TOMM70: variants seen among roughly 807,000 people sequenced by gnomAD.
TOMM70 encodes the protein translocase of outer mitochondrial membrane 70.
In TOMM70, 13 loss-of-function variants were observed where a neutral mutation model predicts 73.6. The observed-to-expected ratio is 0.18, with a 90% CI of 0.11 to 0.28. The LOEUF is 0.28. TOMM70 is among the 10% of genes least tolerant of loss of function. The pLI is 1.00. For missense variants in TOMM70, 609 were observed against 747.5 expected (o/e 0.81, Z 2.16); for synonymous variants, 257 against 271.2 (o/e 0.95, Z 0.51).
intron 11 of TOMM70, among the ~76,000 whole-genome samples, chr3:100,366,869 C>T (rs1407084699): frequency 6.6e-6 from 1 of 152,206 alleles, no homozygotes; most frequent in Non-Finnish European, 1.5e-5. Flanking sequence ...TAAGAACTAC[C>T]ACCCTATCCT....
intron 6 of TOMM70, among the ~76,000 whole-genome samples, chr3:100,376,032 A>G (rs1229741286): frequency 6.6e-6 from 1 of 152,096 alleles, no homozygotes; most frequent in African/African-American, 2.4e-5. Flanking sequence ...AACACTTATT[A>G]TTGTCCAATG....
intron 1 of TOMM70, among the ~76,000 whole-genome samples, chr3:100,397,855 C>T (rs914895148): frequency 6.6e-6 from 1 of 151,810 alleles, no homozygotes; most frequent in Non-Finnish European, 1.5e-5. Context: ...CGCCATTGCA[C>T]TCCAGCCTGG....
chr3:100,400,779 G>A lies in TOMM70; in HGVS notation c.171C>T (p.Tyr57=). The A allele has an allele frequency of 1.3e-6, 2 of 1,568,086 alleles. No homozygotes were observed. Among genetic ancestry groups the A allele is most frequent in the African/African-American group, 1.4e-5 (1 of 73,410 alleles). The change falls in exon 1 of 12, where the codon TAC becomes TAT. Residue 57 remains tyrosine, a synonymous_variant. Transcript: ENST00000284320. ...APLLLGAGAI[Y]LWSRQQRRRE... ...GGCGCCGTTGCTGCCGACTCCACAGGTATATGGCACCCGCGCCCAGCAGCA... is the reference window on the plus strand; with the variant it reads ...GGCGCCGTTGCTGCCGACTCCACAGATATATGGCACCCGCGCCCAGCAGCA...
chr3:100,381,843 T>TA, intron 4 of TOMM70, 80 bp from the exon 5 acceptor site: 3 of 1,328,926 alleles, frequency 2.3e-6, no homozygotes, highest in Non-Finnish European at 3.0e-6. Flanking sequence ...ACGCTAAGAA[T>TA]AACTGTCATA....
intron 4 of TOMM70, among the ~76,000 whole-genome samples, chr3:100,384,171 C>T (rs1045607442): frequency 3.3e-5 from 5 of 152,196 alleles, no homozygotes; most frequent in African/African-American, 1.2e-4. Context: ...CAGCTGAAAA[C>T]AACATGTGAC....
At position 100,400,790 on chromosome 3, in the gene TOMM70, C is replaced by T; in HGVS notation, c.160G>A (p.Gly54Ser). 6.5e-7 allele frequency: 1 copy of T among 1,549,360 alleles called. No individual in the cohort carries two copies. Among genetic ancestry groups the T allele is most frequent in the African/African-American group, 1.4e-5 (1 of 72,604 alleles). Residue 54 changes from glycine to serine, a missense_variant, in exon 1 of 12, where the codon GGT becomes AGT. Around this residue, in one of 2 missense-constraint regions of TOMM70, gnomAD observed 177 missense variants for 163.5 expected, o/e 1.08. Coordinates refer to ENST00000284320, the MANE Select transcript of TOMM70 (RefSeq NM_014820.5). ...TGCCGACTCCACAGGTATATGGCAC[C>T]CGCGCCCAGCAGCAGGGGTGCCCCG... ...AVGAPLLLGA[G>S]AIYLWSRQQR... is the part of the protein sequence containing the mutation.
intron 6 of TOMM70, among the ~76,000 whole-genome samples, chr3:100,375,528 G>C (rs932986826): frequency 2.6e-5 from 4 of 152,076 alleles, no homozygotes; most frequent in African/African-American, 9.7e-5. Context: ...CTTTGATTTA[G>C]CATAATGTTT....
chr3:100,368,614 C>T (rs571250079), intron 10 of TOMM70, among the ~76,000 whole-genome samples: 7 of 152,082 alleles, frequency 4.6e-5, no homozygotes, highest in East Asian at 1.9e-4. Flanking sequence ...CTCACTCTGC[C>T]GCCCAGGCTG....
chr3:100,369,980 A>G (rs1397073178), intron 9 of TOMM70, among the ~76,000 whole-genome samples: 1 of 152,212 alleles, frequency 6.6e-6, no homozygotes, highest in Non-Finnish European at 1.5e-5. Context: ...GCCCATATTC[A>G]GTTAACCCCG....
intron 1 of TOMM70, among the ~76,000 whole-genome samples, chr3:100,391,430 C>G (rs1223041804): frequency 6.6e-6 from 1 of 152,058 alleles, no homozygotes; most frequent in East Asian, 1.9e-4. Flanking sequence ...GACAGGGATA[C>G]TGATGATTCT....
chr3:100,368,405 C>T (rs575079518), intron 10 of TOMM70, among the ~76,000 whole-genome samples: 1 of 152,082 alleles, frequency 6.6e-6, no homozygotes, highest in African/African-American at 2.4e-5. Context: ...ATCTTGCATC[C>T]CTTATTTTTC....
chr3:100,386,415 G>T, intron 2 of TOMM70, 71 bp from the exon 3 acceptor site: 1 of 1,433,318 alleles, frequency 7.0e-7, no homozygotes, highest in Non-Finnish European at 9.3e-7. Context: ...GTTTAAACTT[G>T]ATAGGTTGAG....
chr3:100,374,624 T>A (rs1706543828), intron 7 of TOMM70, among the ~76,000 whole-genome samples: 1 of 152,240 alleles, frequency 6.6e-6, no homozygotes, highest in Admixed American at 6.5e-5. Flanking sequence ...TTATTTTTAC[T>A]ATTTGGACAG....
intron 3 of TOMM70, 48 bp from the exon 4 acceptor site, chr3:100,384,636 A>G: frequency 2.2e-6 from 3 of 1,357,712 alleles, no homozygotes; most frequent in Non-Finnish European, 3.0e-6. Context: ...TATTGCAAAG[A>G]TGGTCAGCAG....
At chr3:100,372,521 C>T in intron 9 of TOMM70, 85 bp downstream of exon 9, 1 of 1,099,898 alleles carries the variant, frequency 9.1e-7, no homozygotes, top group Non-Finnish European at 1.3e-6. Flanking sequence ...GAAGCTGCAA[C>T]CATGATAGCA....
At chr3:100,391,688 T>C (rs1706763723) in intron 1 of TOMM70, among the ~76,000 whole-genome samples, 1 of 152,176 alleles carries the variant, frequency 6.6e-6, no homozygotes, top group South Asian at 2.1e-4. Flanking sequence ...CCTCCCACCT[T>C]AGCCTTCCAA....
At chr3:100,370,900 G>A (rs984795803) in intron 9 of TOMM70, among the ~76,000 whole-genome samples, 3 of 152,074 alleles carry the variant, frequency 2.0e-5, no homozygotes, top group African/African-American at 7.2e-5. Flanking sequence ...GTTCCTATTC[G>A]GTGGCCTTTG....
At chr3:100,390,112 A>G (rs60999188) in intron 1 of TOMM70, among the ~76,000 whole-genome samples, 17,163 of 152,214 alleles carry the variant, frequency 0.11, 1,477 homozygotes, top group African/African-American at 0.24. Context: ...ACAAAAGGTC[A>G]TTAAAGTTAA....
chr3:100,366,514 C>T (rs929139829), intron 11 of TOMM70, among the ~76,000 whole-genome samples: 3 of 152,056 alleles, frequency 2.0e-5, no homozygotes, highest in African/African-American at 7.2e-5. Context: ...GTAAGAGGTA[C>T]CACTAGGGTG....
Sources: gnomAD v4.1 joint callset for allele counts (sites outside exome capture counted in the v4.1 genomes callset) on GRCh38, gnomAD v4.1.1 for gene constraint, gnomAD v4.1.1 regional missense constraint, MANE v1.5 for transcripts, NCBI Gene and HGNC (gene_info 2026-07-23, HGNC 2026-07-21) for gene names.